Variants in VSX2 observed in about 807,000 individuals in gnomAD.
VSX2 encodes visual system homeobox 2.
A neutral mutation model predicts 32.1 loss-of-function variants in VSX2; 28 were observed. The ratio of observed to expected loss-of-function variants is 0.87; its 90% CI spans 0.65 to 1.20. The LOEUF (loss-of-function observed/expected upper bound fraction) is 1.20, where lower values mean the gene tolerates loss of function less well. VSX2 is among the 50% of genes most tolerant of loss of function. The pLI, the probability that VSX2 is intolerant of heterozygous loss-of-function variation, is 0.00. For missense variants in VSX2, 506 were observed against 488.7 expected, an observed-to-expected ratio of 1.04 and a Z score of -0.33; for synonymous variants, 243 against 214.1, an observed-to-expected ratio of 1.14 and a Z score of -1.18.
At position 74,249,004 on chromosome 14, in the gene VSX2, C is replaced by G. The variant is rs113780340; in HGVS notation, c.579+3716C>G. On this transcript the variant is annotated intron_variant, in intron 3 of 4. Transcript: ENST00000261980. ...GCTGGAGCATACACCCCTGCTGGGC[C>G]AAGCCAAGAAACCCCTGCATGTCTG... is the stretch of plus-strand genomic sequence containing the variant. Among the ~76,000 whole-genome samples, 881 of 152,310 alleles carry G rather than the reference C, an allele frequency of 5.8e-3. 6 individuals are homozygous for G. Among genetic ancestry groups the G allele is most frequent in the Non-Finnish European group, 9.4e-3 (637 of 68,026 alleles).
intron 2 of VSX2, among the ~76,000 whole-genome samples, chr14:74,243,432 G>A (rs564010881): frequency 6.6e-6 from 1 of 152,276 alleles, no homozygotes; most frequent in South Asian, 2.1e-4. Context: ...GAAAGTTTGG[G>A]AGATTTGAGT....
intron 3 of VSX2, among the ~76,000 whole-genome samples, chr14:74,251,391 A>G (rs1176034471): frequency 2.0e-5 from 3 of 152,246 alleles, no homozygotes; most frequent in Admixed American, 6.5e-5. Context: ...CGGAGGTTGC[A>G]GTGAGCCGAG....
chr14:74,247,625 G>A (rs1224654000), intron 3 of VSX2, among the ~76,000 whole-genome samples: 1 of 152,146 alleles, frequency 6.6e-6, no homozygotes, highest in African/African-American at 2.4e-5. Flanking sequence ...GTAAGTGGGA[G>A]ACACAAGACT....
chr14:74,239,708 G>T lies in VSX2; in HGVS notation c.147G>T (p.Pro49=). 6.5e-7 allele frequency: 1 copy of T among 1,549,648 alleles called. No homozygotes were observed. The highest frequency in any genetic ancestry group is 8.7e-7 in the Non-Finnish European group (1 of 1,146,776). Residue 49 remains proline, a synonymous_variant, in exon 1 of 5, where the codon CCG becomes CCT. Coordinates refer to ENST00000261980, the MANE Select transcript of VSX2 (RefSeq NM_182894.3). ...ACAAGGAGCCCCCGAGCTCCCACCCGCGGGCAGCGCTCGACGGCCTGGCCC... is the reference window on the plus strand; with the variant it reads ...ACAAGGAGCCCCCGAGCTCCCACCCTCGGGCAGCGCTCGACGGCCTGGCCC... ...GLNKEPPSSH[P]RAALDGLAPG...
intron 3 of VSX2, among the ~76,000 whole-genome samples, chr14:74,255,019 A>T (rs2079254729): frequency 6.6e-6 from 1 of 151,868 alleles, no homozygotes; most frequent in African/African-American, 2.4e-5. Context: ...TGACCTTGTG[A>T]TCCACCCACC....
At chr14:74,244,919 T>TGAGA (rs1178977213) in intron 2 of VSX2, among the ~76,000 whole-genome samples, 2 of 41,184 alleles carry the variant, frequency 4.9e-5, no homozygotes, top group African/African-American at 1.1e-4. Context: ...TGTGTGTGTG[T>TGAGA]GTGTGTGTGT....
intron 3 of VSX2, among the ~76,000 whole-genome samples, chr14:74,257,419 G>C (rs1374086169): frequency 6.6e-6 from 1 of 152,270 alleles, no homozygotes; most frequent in African/African-American, 2.4e-5. Flanking sequence ...CTGCCCAAAC[G>C]GGGATGGAGC....
chr14:74,241,104 G>T lies in VSX2; in HGVS notation c.371-78G>T. On this transcript the variant is annotated intron_variant, in intron 1 of 4. Transcript: ENST00000261980. ...CCCCGCCGCTCGCGGAGGCAGCCCG[G>T]GGTGGGGCCCTCGCGGGTTTCGGGC... 2.1e-5 allele frequency: 32 copies of T among 1,492,292 alleles called. 3 individuals carry two copies. The South Asian group carries it at 2.5e-4, about 12-fold the overall frequency. The allele number at this position is 1,492,292 out of a possible 1,614,324, so 92.4% of individuals were successfully genotyped here. A position where few individuals can be genotyped will look rare whatever the true frequency, so the allele number is the denominator to read the frequency against.
At chr14:74,259,333 G>T (rs576540364) in intron 3 of VSX2, among the ~76,000 whole-genome samples, 1 of 152,228 alleles carries the variant, frequency 6.6e-6, no homozygotes, top group South Asian at 2.1e-4. Flanking sequence ...AACAGTCGAT[G>T]ACACTGGGTC....
Position 74,255,480 on chromosome 14 carries a change from C to T in VSX2, c.580-4122C>T, listed in dbSNP as rs546501455. On this transcript the variant is annotated intron_variant, in intron 3 of 4. Coordinates refer to ENST00000261980, the MANE Select transcript of VSX2 (RefSeq NM_182894.3). ...GGGTCTGGATGACTTCTGGTTTGAGCGACCAGCTGGCACTGGCTCCCCTGG... is the reference window on the plus strand; with the variant it reads ...GGGTCTGGATGACTTCTGGTTTGAGTGACCAGCTGGCACTGGCTCCCCTGG... Among the ~76,000 whole-genome samples the T allele has an allele frequency of 4.5e-4, 68 of 152,312 alleles. 1 individual carries two copies. In the South Asian group the frequency reaches 6.8e-3, roughly 15 times the overall value.
At chr14:74,249,011 A>G (rs2079213118) in intron 3 of VSX2, among the ~76,000 whole-genome samples, 1 of 152,226 alleles carries the variant, frequency 6.6e-6, no homozygotes, top group South Asian at 2.1e-4. Context: ...GGCCAAGCCA[A>G]GAAACCCCTG....
rs2079233618 is a variant in VSX2 at position 74,252,252 on chromosome 14, G to C, written c.579+6964G>C. On this transcript the variant is annotated intron_variant, in intron 3 of 4. Coordinates refer to ENST00000261980, the MANE Select transcript of VSX2 (RefSeq NM_182894.3). ...TTCCTGGCCTGCTAGCTGTGCCTTT[G>C]CATCCACTTGGCAAGAAGTCCTTCC... Among the ~76,000 whole-genome samples the C allele has an allele frequency of 2.0e-5, 3 of 152,216 alleles. No individual in the cohort carries two copies. The South Asian group carries it at 6.2e-4, about 32-fold the overall frequency.
chr14:74,239,941 G>A lies in VSX2; in HGVS notation c.370+10G>A, dbSNP rs1196793036. On this transcript the variant is annotated intron_variant, in intron 1 of 4. Transcript: ENST00000261980. ...CAGACGGCCAGCTCGGGTAGGTGAG[G>A]AGAGGTTGCGCTGCTGCCTGACTGG... is the stretch of plus-strand genomic sequence containing the variant. The A allele has an allele frequency of 6.4e-7, 1 of 1,557,034 alleles. No individual in the cohort carries two copies. The highest frequency in any genetic ancestry group is 8.7e-7 in the Non-Finnish European group (1 of 1,151,558).
chr14:74,252,522 C>A (rs1004865985), intron 3 of VSX2, among the ~76,000 whole-genome samples: 4 of 151,414 alleles, frequency 2.6e-5, no homozygotes, highest in African/African-American at 7.3e-5. Context: ...TCCTGAGTAG[C>A]TGGGACTACA....
chr14:74,244,096 G>T (rs1010224705), intron 2 of VSX2, among the ~76,000 whole-genome samples: 2 of 152,212 alleles, frequency 1.3e-5, no homozygotes, highest in African/African-American at 4.8e-5. Context: ...GTGTTTAGCG[G>T]TTTATTCAAG....
Position 74,241,201 on chromosome 14 carries a change from C to T in VSX2, c.390C>T (p.Ser130=). ...TTTCAGATTCTGAAGATGTTTCCTC[C>T]AGCGATCGAAAAATGTCCAAATCTG... ...TASSDSEDVS[S]SDRKMSKSAL... The change falls in exon 2 of 5, where the codon TCC becomes TCT. Residue 130 remains serine (S), a synonymous_variant. Transcript: ENST00000261980. The T allele has an allele frequency of 6.2e-7, 1 of 1,613,518 alleles. No individual in the cohort carries two copies. The highest frequency in any genetic ancestry group is 8.5e-7 in the Non-Finnish European group (1 of 1,179,994).
At position 74,239,529 on chromosome 14, in the gene VSX2, C is replaced by G. The variant is rs1244758178; in HGVS notation, c.-33C>G. 1.9e-6 allele frequency: 3 copies of G among 1,550,218 alleles called. No homozygotes were observed. The highest frequency in any genetic ancestry group is 2.6e-6 in the Non-Finnish European group (3 of 1,146,898). On this transcript the variant is annotated 5_prime_UTR_variant, in exon 1 of 5. Coordinates refer to ENST00000261980, the MANE Select transcript of VSX2 (RefSeq NM_182894.3). Reference sequence around the variant, plus strand: ...GCGGGGGGGTGGGGGGAGCTAAAGACCTGCGGCCTCAGCCCCTCCAAAGAA... The same window carrying G: ...GCGGGGGGGTGGGGGGAGCTAAAGAGCTGCGGCCTCAGCCCCTCCAAAGAA...
chr14:74,258,135 C>A (rs1010833178), intron 3 of VSX2, among the ~76,000 whole-genome samples: 2 of 152,138 alleles, frequency 1.3e-5, no homozygotes, highest in African/African-American at 4.8e-5. Context: ...AGTTGGGGGT[C>A]CCCGGGGAAG....
At position 74,239,854 on chromosome 14, in the gene VSX2, C is replaced by G; in HGVS notation, c.293C>G (p.Ser98Cys). The G allele has an allele frequency of 6.3e-7, 1 of 1,578,260 alleles. No individual in the cohort carries two copies. The highest frequency in any genetic ancestry group is 8.6e-7 in the Non-Finnish European group (1 of 1,163,480). The change falls in exon 1 of 5, where the codon TCC becomes TGC. Residue 98 changes from serine (S) to cysteine (C), a missense_variant. Coordinates refer to ENST00000261980, the MANE Select transcript of VSX2 (RefSeq NM_182894.3). Reference protein sequence around the residue: ...YTQPTFLEVLSDPQSVHLQPL... With the variant: ...YTQPTFLEVLCDPQSVHLQPL... ...CAGCCCACCTTCCTGGAAGTGCTGT[C>G]CGACCCGCAGAGCGTCCACTTGCAG...
Sources: allele counts gnomAD v4.1 joint callset (sites outside exome capture counted in the v4.1 genomes callset), GRCh38; gene constraint gnomAD v4.1.1; transcripts MANE v1.5; gene names NCBI Gene and HGNC (gene_info 2026-07-23, HGNC 2026-07-21).